MAML2: variants seen among roughly 807,000 people sequenced by gnomAD.
The protein encoded by MAML2 is mastermind like transcriptional coactivator 2.
MAML2 carries 22 observed loss-of-function variants against 96.1 expected under a neutral mutation model. The observed-to-expected ratio is 0.23, with a 90% confidence interval of 0.16 to 0.33. MAML2 has a LOEUF of 0.33. MAML2 is among the 10% of genes least tolerant of loss of function. The pLI, the probability that MAML2 is intolerant of heterozygous loss-of-function variation, is 1.00. For missense variants in MAML2, 1,367 were observed against 1,392.4 expected, an observed-to-expected ratio of 0.98 and a Z score of 0.29; for synonymous variants, 561 against 521.3, an observed-to-expected ratio of 1.08 and a Z score of -1.04.
chr11:96,196,010 C>T (rs183175159), intron 1 of MAML2, among the ~76,000 whole-genome samples: 130 of 152,290 alleles, frequency 8.5e-4, no homozygotes, highest in Middle Eastern at 3.4e-3. Context: ...TTAAACCTCT[C>T]TGATTATCTA....
chr11:96,184,790 C>T (rs1475645343), intron 1 of MAML2, among the ~76,000 whole-genome samples: 2 of 151,920 alleles, frequency 1.3e-5, no homozygotes, highest in Non-Finnish European at 2.9e-5. Flanking sequence ...GGGGTTTCAC[C>T]GTGTTAGCCA....
At chr11:96,230,653 C>G (rs1158526763) in intron 1 of MAML2, among the ~76,000 whole-genome samples, 1 of 152,142 alleles carries the variant, frequency 6.6e-6, no homozygotes, top group African/African-American at 2.4e-5. Context: ...CAGGACAGCC[C>G]ACATCAGATT....
At chr11:96,159,748 C>G (rs1039957092) in intron 1 of MAML2, among the ~76,000 whole-genome samples, 1 of 152,116 alleles carries the variant, frequency 6.6e-6, no homozygotes, top group East Asian at 1.9e-4. Flanking sequence ...TTAAACTTCA[C>G]GGAGAATCTG....
At chr11:96,110,264 C>T (rs1303484130) in intron 1 of MAML2, among the ~76,000 whole-genome samples, 1 of 152,150 alleles carries the variant, frequency 6.6e-6, no homozygotes, top group East Asian at 1.9e-4. Context: ...AGGACAGTGG[C>T]TAGAGAGAGT....
At chr11:96,143,651 T>C (rs764062900) in intron 1 of MAML2, among the ~76,000 whole-genome samples, 1 of 152,218 alleles carries the variant, frequency 6.6e-6, no homozygotes, top group Non-Finnish European at 1.5e-5. Context: ...GGAAGATTAT[T>C]ATCCAAAACT....
At chr11:96,126,419 G>A (rs187344108) in intron 1 of MAML2, among the ~76,000 whole-genome samples, 3 of 130,072 alleles carry the variant, frequency 2.3e-5, no homozygotes, top group East Asian at 4.5e-4. Context: ...TTAGCCAGGT[G>A]TAGTAGCATA....
In MAML2 at chr11:96,016,283, G is replaced by A. The variant is rs143097960; in HGVS notation, c.2140-24560C>T. ...TACATGGGGGGAGGGTGGGTGGGCA[G>A]TGCACATTAGGAGGGAGCAGAGAGC... On this transcript the variant is annotated intron_variant, in intron 2 of 4. Coordinates refer to ENST00000524717, the MANE Select transcript of MAML2 (RefSeq NM_032427.4). Among the ~76,000 whole-genome samples the A allele has an allele frequency of 6.4e-3, 976 of 151,526 alleles. 5 individuals carry two copies. The highest frequency in any genetic ancestry group is 0.014 in the Middle Eastern group (4 of 294).
intron 2 of MAML2, among the ~76,000 whole-genome samples, chr11:96,068,749 G>A (rs1197296768): frequency 6.7e-6 from 1 of 150,336 alleles, no homozygotes; most frequent in African/African-American, 2.5e-5. Context: ...AGAATGGCGT[G>A]AACTCAGGAG....
intron 1 of MAML2, among the ~76,000 whole-genome samples, chr11:96,124,862 C>T (rs1236980934): frequency 2.0e-5 from 3 of 152,120 alleles, no homozygotes; most frequent in African/African-American, 7.2e-5. Context: ...CAAAAAGAAG[C>T]TGCTTATGTA....
At chr11:96,322,296 A>C (rs2136011811) in intron 1 of MAML2, among the ~76,000 whole-genome samples, 1 of 152,302 alleles carries the variant, frequency 6.6e-6, no homozygotes, top group Non-Finnish European at 1.5e-5. Flanking sequence ...AAATGGTAAG[A>C]GGTCACTTAA....
intron 1 of MAML2, among the ~76,000 whole-genome samples, chr11:96,283,581 A>C (rs995062259): frequency 1.3e-5 from 2 of 152,218 alleles, no homozygotes; most frequent in African/African-American, 4.8e-5. Context: ...AGAAATCTTT[A>C]AACATGTGAG....
At chr11:96,329,565 C>T (rs1053653630) in intron 1 of MAML2, among the ~76,000 whole-genome samples, 4 of 152,244 alleles carry the variant, frequency 2.6e-5, no homozygotes, top group African/African-American at 7.2e-5. Context: ...ATACAAGCCA[C>T]ATACCAAGTG....
At chr11:96,134,332 A>C (rs1860593079) in intron 1 of MAML2, among the ~76,000 whole-genome samples, 1 of 152,236 alleles carries the variant, frequency 6.6e-6, no homozygotes, top group African/African-American at 2.4e-5. Flanking sequence ...CACCTGCTTT[A>C]TTCCTCATTG....
intron 1 of MAML2, among the ~76,000 whole-genome samples, chr11:96,209,914 T>A (rs1228292265): frequency 6.6e-6 from 1 of 152,174 alleles, no homozygotes; most frequent in Non-Finnish European, 1.5e-5. Flanking sequence ...ATATTAGTGG[T>A]CATTTCTGGA....
chr11:95,981,212 A>T (rs1434676224), intron 4 of MAML2, among the ~76,000 whole-genome samples: 1 of 152,198 alleles, frequency 6.6e-6, no homozygotes, highest in Non-Finnish European at 1.5e-5. Context: ...TTGCCATGTG[A>T]CGAGAGCCTG....
intron 1 of MAML2, among the ~76,000 whole-genome samples, chr11:96,180,288 G>A (rs752919619): frequency 5.3e-5 from 8 of 152,140 alleles, no homozygotes; most frequent in Non-Finnish European, 1.0e-4. Context: ...GTGGGTCTAC[G>A]TTCCCTCCTC....
chr11:96,177,208 G>C (rs145439327), intron 1 of MAML2, among the ~76,000 whole-genome samples: 2 of 152,300 alleles, frequency 1.3e-5, no homozygotes, highest in Non-Finnish European at 2.9e-5. Context: ...TCAATTACTT[G>C]AGTTCAGCTG....
chr11:96,169,675 A>ATTTTTTTTTTT, intron 1 of MAML2, among the ~76,000 whole-genome samples: 1 of 70,958 alleles, frequency 1.4e-5, no homozygotes, highest in Admixed American at 1.3e-4. Flanking sequence ...TTTTTTTTTG[A>ATTTTTTTTTTT]GATGGAGTCT....
chr11:96,082,795 A>G (rs1161420392), intron 2 of MAML2, among the ~76,000 whole-genome samples: 1 of 152,204 alleles, frequency 6.6e-6, no homozygotes, highest in Non-Finnish European at 1.5e-5. Flanking sequence ...GTATCAAAGC[A>G]CGAAGGCAGC....
Sources: allele counts gnomAD v4.1 joint callset (sites outside exome capture counted in the v4.1 genomes callset), GRCh38; gene constraint gnomAD v4.1.1; transcripts MANE v1.5; gene names NCBI Gene and HGNC (gene_info 2026-07-23, HGNC 2026-07-21).